SRBD1: variants seen among roughly 807,000 people sequenced by gnomAD.
SRBD1 encodes the protein S1 RNA binding domain 1.
In SRBD1, 88 loss-of-function variants were observed where a neutral mutation model predicts 115.3. The ratio of observed to expected loss-of-function variants is 0.76; its 90% CI spans 0.64 to 0.91. The LOEUF is 0.91. Among genes scored for constraint, SRBD1 ranks in the 40% least tolerant of loss-of-function variants. The probability of loss-of-function intolerance (pLI) is 0.00; values close to 1 mark genes in which losing one functional copy is unlikely to be tolerated. For synonymous variants in SRBD1, 509 were observed against 407.7 expected (o/e 1.25, Z -2.99); for missense variants, 1,385 against 1,177.4 (o/e 1.18, Z -2.58).
At chr2:45,417,891 TCATTTCCTGAATA>T (rs1667878560) in intron 18 of SRBD1, among the ~76,000 whole-genome samples, 1 of 152,238 alleles carries the variant, frequency 6.6e-6, no homozygotes, top group Admixed American at 6.5e-5. Context: ...GGCCTTTGCC[TCATTTCCTGAATA>T]CACCAAAGTT....
Position 45,605,342 on chromosome 2 carries a change from T to C in SRBD1, c.80+20A>G, listed in dbSNP as rs1234657819. The C allele has an allele frequency of 1.9e-6, 3 of 1,599,246 alleles. No individual in the cohort carries two copies. In the South Asian group the frequency reaches 3.3e-5, roughly 18 times the overall value. ...AATATTCATCATTCCCCTACCCACA[T>C]ATTAAACCAGTATGCTTACAACTCA... On this transcript the variant is annotated intron_variant, in intron 2 of 20. Coordinates refer to ENST00000263736, the MANE Select transcript of SRBD1 (RefSeq NM_018079.5).
intron 16 of SRBD1, among the ~76,000 whole-genome samples, chr2:45,427,002 G>C (rs1175030409): frequency 6.6e-6 from 1 of 152,166 alleles, no homozygotes; most frequent in Non-Finnish European, 1.5e-5. Flanking sequence ...GAATTAATTT[G>C]ATGAAATTGA....
At chr2:45,394,831 T>C (rs1001432814) in intron 19 of SRBD1, among the ~76,000 whole-genome samples, 12 of 152,196 alleles carry the variant, frequency 7.9e-5, no homozygotes, top group African/African-American at 2.9e-4. Flanking sequence ...TGGTTAATAG[T>C]CTAATAAAAT....
At chr2:45,512,197 C>T (rs1670991293) in intron 14 of SRBD1, among the ~76,000 whole-genome samples, 1 of 152,148 alleles carries the variant, frequency 6.6e-6, no homozygotes, top group African/African-American at 2.4e-5. Context: ...AGCTTCTAAA[C>T]CTGAAGGCTG....
intron 14 of SRBD1, among the ~76,000 whole-genome samples, chr2:45,493,766 G>A (rs1049697898): frequency 2.6e-5 from 4 of 150,972 alleles, no homozygotes; most frequent in South Asian, 2.1e-4. Context: ...AGCCAAGATC[G>A]CGCCACTGCA....
chr2:45,553,655 G>A lies in SRBD1; in HGVS notation c.1485C>T (p.Arg495=), dbSNP rs1672374180. The A allele has an allele frequency of 1.2e-6, 2 of 1,604,384 alleles. No individual in the cohort carries two copies. The highest frequency in any genetic ancestry group is 1.7e-4 in the Middle Eastern group (1 of 6,018). The part of the protein sequence containing the change: ...LYNSLNDSFK[R]LIYPLLCREF... ...CTCTACAGAGAAGAGGATAAATAAG[G>A]CGTTTAAAGGAATCATTCAGTGAAT... The change falls in exon 11 of 21, where the codon CGC becomes CGT. Residue 495 remains arginine, a synonymous_variant. Coordinates refer to ENST00000263736, the MANE Select transcript of SRBD1 (RefSeq NM_018079.5).
intron 14 of SRBD1, among the ~76,000 whole-genome samples, chr2:45,530,611 G>A (rs1286127182): frequency 2.0e-5 from 3 of 152,002 alleles, no homozygotes. Context: ...TCCTATATAT[G>A]AAAGAAGATG....
intron 15 of SRBD1, among the ~76,000 whole-genome samples, chr2:45,486,535 G>A (rs1461275689): frequency 6.6e-6 from 1 of 151,874 alleles, no homozygotes; most frequent in African/African-American, 2.4e-5. Flanking sequence ...AGACCATCCT[G>A]GTTAACATGG....
intron 14 of SRBD1, among the ~76,000 whole-genome samples, chr2:45,530,675 T>C (rs190092018): frequency 3.4e-4 from 51 of 152,156 alleles, no homozygotes; most frequent in Non-Finnish European, 2.6e-4. Context: ...GTGGCATGAA[T>C]AGAAAGGTAT....
At chr2:45,544,257 T>C (rs1672038380) in intron 14 of SRBD1, among the ~76,000 whole-genome samples, 2 of 150,684 alleles carry the variant, frequency 1.3e-5, no homozygotes, top group South Asian at 2.1e-4. Flanking sequence ...AAAAAAAATT[T>C]ATATTAATGG....
chr2:45,451,949 G>A (rs1669012423), intron 16 of SRBD1, among the ~76,000 whole-genome samples: 2 of 151,654 alleles, frequency 1.3e-5, no homozygotes, highest in Non-Finnish European at 2.9e-5. Flanking sequence ...AAATTTTAAT[G>A]TTTCATTAAA....
At chr2:45,427,900 G>A (rs184676927) in intron 16 of SRBD1, among the ~76,000 whole-genome samples, 10 of 152,148 alleles carry the variant, frequency 6.6e-5, no homozygotes, top group South Asian at 6.2e-4. Context: ...CAATAATAGC[G>A]GAAGACTTTA....
intron 12 of SRBD1, among the ~76,000 whole-genome samples, chr2:45,548,022 G>C (rs1672176873): frequency 6.6e-6 from 1 of 151,530 alleles, no homozygotes; most frequent in Non-Finnish European, 1.5e-5. Context: ...AGACTTATGA[G>C]CTTTTCTATA....
At chr2:45,573,902 TCTC>T (rs1199072002) in intron 8 of SRBD1, among the ~76,000 whole-genome samples, 1 of 152,152 alleles carries the variant, frequency 6.6e-6, no homozygotes, top group Admixed American at 6.6e-5. Flanking sequence ...AACTAGGTCA[TCTC>T]CTCCTTTCCT....
intron 16 of SRBD1, among the ~76,000 whole-genome samples, chr2:45,456,884 G>A (rs7579324): frequency 0.078 from 11,870 of 151,838 alleles, 619 homozygotes; most frequent in African/African-American, 0.14. Flanking sequence ...GTTTGTAGTA[G>A]CGATTAAATT....
Position 45,462,943 on chromosome 2 carries a change from A to G in SRBD1, c.2049+14050T>C, listed in dbSNP as rs544070695. On this transcript the variant is annotated intron_variant, in intron 16 of 20. Coordinates refer to ENST00000263736, the MANE Select transcript of SRBD1 (RefSeq NM_018079.5). ...ATGCATTTCTGTGGACTGAAAAACA[A>G]TTTTCATTCTACACGAATCCAGGAT... Among the ~76,000 whole-genome samples the G allele has an allele frequency of 5.3e-5, 8 of 149,582 alleles. No homozygotes were observed. In the South Asian group the frequency reaches 1.7e-3, roughly 32 times the overall value.
At chr2:45,585,818 A>G in intron 4 of SRBD1, 44 bp from the exon 5 acceptor site, 4 of 1,456,428 alleles carry the variant, frequency 2.7e-6, no homozygotes, top group Non-Finnish European at 3.7e-6. Context: ...CTGAAAATTA[A>G]ACATCTATAT....
At chr2:45,519,588 T>C (rs977618834) in intron 14 of SRBD1, among the ~76,000 whole-genome samples, 4 of 152,216 alleles carry the variant, frequency 2.6e-5, no homozygotes, top group Admixed American at 2.6e-4. Context: ...ATTCTTACAT[T>C]ATATTCTTTA....
At chr2:45,597,300 G>C (rs1265493765) in intron 4 of SRBD1, among the ~76,000 whole-genome samples, 1 of 151,858 alleles carries the variant, frequency 6.6e-6, no homozygotes, top group Non-Finnish European at 1.5e-5. Flanking sequence ...CATGCCTGTG[G>C]TTCCAGCTAC....
Sources: allele counts gnomAD v4.1 joint callset (sites outside exome capture counted in the v4.1 genomes callset), GRCh38; gene constraint gnomAD v4.1.1; transcripts MANE v1.5; gene names NCBI Gene and HGNC (gene_info 2026-07-23, HGNC 2026-07-21).